PEAR1: variants seen among roughly 807,000 people sequenced by gnomAD.
PEAR1 encodes multiple EGF-like domains protein 12.
A neutral mutation model predicts 131.2 loss-of-function variants in PEAR1; 113 were observed. The ratio of observed to expected loss-of-function variants is 0.86; its 90% CI spans 0.74 to 1.01. The LOEUF (loss-of-function observed/expected upper bound fraction) is 1.01, where lower values mean the gene tolerates loss of function less well. Among genes scored for constraint, PEAR1 ranks in the 50% least tolerant of loss-of-function variants. PEAR1 has a pLI of 0.00. For synonymous variants in PEAR1, 565 were observed against 523.3 expected (o/e 1.08, Z -1.09); for missense variants, 1,408 against 1,391.1 (o/e 1.01, Z -0.19).
rs185112485 is a variant in PEAR1, at chr1:156,899,099, G to C, written c.-9-4819G>C. The stretch of plus-strand genomic sequence containing the variant: ...TCCAGAATGGTCACTGGAACCAGCA[G>C]TTCCAACCTTTGCAGGGCCCTGAGA... On this transcript the variant is annotated intron_variant, in intron 1 of 22. Coordinates refer to ENST00000292357, the MANE Select transcript of PEAR1 (RefSeq NM_001080471.3). 2.7e-3 allele frequency among the ~76,000 whole-genome samples: 409 copies of C among 152,352 alleles called. 8 individuals carry two copies. Among genetic ancestry groups the C allele is most frequent in the Admixed American group, 0.025 (380 of 15,308 alleles).
intron 1 of PEAR1, among the ~76,000 whole-genome samples, chr1:156,894,847 C>T (rs1030007574): frequency 2.6e-5 from 4 of 152,198 alleles, no homozygotes; most frequent in Non-Finnish European, 4.4e-5. Flanking sequence ...AGGATTGGGC[C>T]GGGTGTCAGC....
At position 156,913,552 on chromosome 1, in the gene PEAR1, C is replaced by T. The variant is rs372635498; in HGVS notation, c.2644+29C>T. 543 of 1,609,286 alleles carry T rather than the reference C, an allele frequency of 3.4e-4. 3 individuals are homozygous for T. In the Middle Eastern group the frequency reaches 6.5e-3, roughly 19 times the overall value. On this transcript the variant is annotated intron_variant, in intron 20 of 22. Transcript: ENST00000292357. The stretch of plus-strand genomic sequence containing the variant: ...GGTGCCGGGAGGCCAGGGTCTCTGG[C>T]GCGGGTGGATGTGTGCAGCCCAGAT...
At chr1:156,900,902 C>T (rs138249377) in intron 1 of PEAR1, among the ~76,000 whole-genome samples, 2 of 152,240 alleles carry the variant, frequency 1.3e-5, no homozygotes, top group African/African-American at 2.4e-5. Flanking sequence ...GCAATGGGCC[C>T]ATTGCTGCTG....
chr1:156,912,764 A>C lies in PEAR1; in HGVS notation c.2210-6A>C. 1 of 1,614,002 alleles carries C rather than the reference A, an allele frequency of 6.2e-7. No homozygotes were observed. The highest frequency in any genetic ancestry group is 8.5e-7 in the Non-Finnish European group (1 of 1,179,910). On this transcript the variant is annotated splice_polypyrimidine_tract_variant and splice_region_variant and intron_variant, in intron 17 of 22. Coordinates refer to ENST00000292357, the MANE Select transcript of PEAR1 (RefSeq NM_001080471.3). ...CCATTCTGAGTGAGCACCCCATTCC[A>C]CACAGGAATCCAGGAGCCCTTTACT... is the stretch of plus-strand genomic sequence containing the variant.
At position 156,906,704 on chromosome 1, in the gene PEAR1, T is replaced by G. The variant is rs1187957661; in HGVS notation, c.468T>G (p.Cys156Trp). Residue 156 changes from cysteine to tryptophan, a missense_variant, in exon 6 of 23, where the codon TGT becomes TGG. By Grantham distance (215) the Cys-to-Trp change is radical. Coordinates refer to ENST00000292357, the MANE Select transcript of PEAR1 (RefSeq NM_001080471.3). The part of the protein sequence containing the change: ...KPCSCGNNSS[C>W]DPKSGVCSCP... The stretch of plus-strand genomic sequence containing the variant: ...GCAGCTGCGGCAACAACAGCTCGTG[T>G]GATCCCAAGAGTGGGGTATGTTCTT... 2.5e-6 allele frequency: 4 copies of G among 1,613,972 alleles called. No individual in the cohort carries two copies. Among genetic ancestry groups the G allele is most frequent in the Non-Finnish European group, 3.4e-6 (4 of 1,179,944 alleles).
At position 156,915,008 on chromosome 1, in the gene PEAR1, A is replaced by G. The variant is rs1166709397; in HGVS notation, c.*210A>G. The G allele has an allele frequency of 1.1e-5, 6 of 560,170 alleles. No individual in the cohort carries two copies. The highest frequency in any genetic ancestry group is 3.7e-5 in the Admixed American group (1 of 27,226). The allele number at this position is 560,170 out of a possible 1,614,324, so 34.7% of individuals were successfully genotyped here. A position where few individuals can be genotyped will look rare whatever the true frequency, so the allele number is the denominator to read the frequency against. Reference sequence around the variant, plus strand: ...GCAGGATGCCTGGCTCCCTTTCCCAACCCACTGCTCCCAAGGCCTCCAGGG... The same window carrying G: ...GCAGGATGCCTGGCTCCCTTTCCCAGCCCACTGCTCCCAAGGCCTCCAGGG... On this transcript the variant is annotated 3_prime_UTR_variant, in exon 23 of 23. Coordinates refer to ENST00000292357, the MANE Select transcript of PEAR1 (RefSeq NM_001080471.3).
intron 1 of PEAR1, among the ~76,000 whole-genome samples, chr1:156,895,116 G>A (rs1208253257): frequency 6.6e-6 from 1 of 152,208 alleles, no homozygotes; most frequent in Non-Finnish European, 1.5e-5. Flanking sequence ...ATCTCTAGGA[G>A]CTGGGTTGGC....
chr1:156,904,913 C>T (rs1437547307), intron 3 of PEAR1, 61 bp downstream of exon 3: 2 of 1,606,758 alleles, frequency 1.2e-6, no homozygotes, highest in African/African-American at 2.7e-5. Flanking sequence ...TCAGCCTGGC[C>T]CCTGGCCCTC....
chr1:156,912,052 G>A (rs927025083), intron 15 of PEAR1, among the ~76,000 whole-genome samples, 195 bp from the exon 16 acceptor site: 5 of 152,212 alleles, frequency 3.3e-5, no homozygotes, highest in Admixed American at 6.5e-5. Context: ...AGTTGGACAC[G>A]TGGGTCTGGA....
rs368604782 is a variant in PEAR1, at chr1:156,906,824, A to G, written c.588A>G (p.Ala196=). The part of the protein sequence containing the change: ...ACQFRCQCHG[A]PCDPQTGACF... The stretch of plus-strand genomic sequence containing the variant: ...AGTTCCGCTGCCAGTGCCATGGGGC[A>G]CCCTGCGATCCCCAGACTGGAGCCT... Residue 196 remains alanine (A), a synonymous_variant, in exon 6 of 23, where the codon GCA becomes GCG. Transcript: ENST00000292357. 62 of 1,614,138 alleles carry G rather than the reference A, an allele frequency of 3.8e-5. No homozygotes were observed. Among genetic ancestry groups the G allele is most frequent in the Non-Finnish European group, 4.9e-5 (58 of 1,180,036 alleles).
In PEAR1 at chr1:156,911,107, TTTTC is replaced by T. The variant is rs1267733919; in HGVS notation, c.1951+371_1951+374del. 6.7e-3 allele frequency among the ~76,000 whole-genome samples: 795 copies of T among 118,760 alleles called. 27 individuals are homozygous for T. The highest frequency in any genetic ancestry group is 9.8e-3 in the Non-Finnish European group (591 of 60,140). The allele number at this position is 118,760 out of a possible 152,430, so 77.9% of individuals were successfully genotyped here. ...TTTCTTTCTTTCCTTTCTTTCTTTC[TTTTC>T]TTTCTTCTTTCTTTCTTTCCTTTCT... On this transcript the variant is annotated intron_variant, in intron 15 of 22. Transcript: ENST00000292357.
chr1:156,908,636 C>A lies in PEAR1; in HGVS notation c.1116-19C>A, dbSNP rs1373152123. 11 of 1,509,106 alleles carry A rather than the reference C, an allele frequency of 7.3e-6. No homozygotes were observed. The highest frequency in any genetic ancestry group is 2.3e-4 in the Middle Eastern group (1 of 4,288). The allele number at this position is 1,509,106 out of a possible 1,614,324, so 93.5% of individuals were successfully genotyped here. On this transcript the variant is annotated intron_variant, in intron 9 of 22. Coordinates refer to ENST00000292357, the MANE Select transcript of PEAR1 (RefSeq NM_001080471.3). This position sits in a 1 kb window ranked among gnomAD's most constrained non-coding sequence, Gnocchi z 4.2. ...CCTGCCCAGCTCAGACCGCGCCACG[C>A]CCCCGCCTCTGCCCCCAGCTGCCAC... is the stretch of plus-strand genomic sequence containing the variant.
chr1:156,907,492 AAG>A, intron 6 of PEAR1, 116 bp from the exon 7 acceptor site: 1 of 1,454,070 alleles, frequency 6.9e-7, no homozygotes, highest in South Asian at 1.6e-5. Flanking sequence ...CCCAGCAGGA[AAG>A]AGCAAGTGTG....
intron 1 of PEAR1, among the ~76,000 whole-genome samples, chr1:156,898,273 C>G (rs1649355999): frequency 6.6e-6 from 1 of 152,110 alleles, no homozygotes; most frequent in African/African-American, 2.4e-5. Context: ...TGCAGCTGCC[C>G]CATTTCCTGA....
chr1:156,904,412 T>C (rs1300851962), intron 2 of PEAR1, among the ~76,000 whole-genome samples: 1 of 152,160 alleles, frequency 6.6e-6, no homozygotes, highest in African/African-American at 2.4e-5. Flanking sequence ...CCGGAAATAC[T>C]TCAGCCCATC....
At position 156,910,069 on chromosome 1, in the gene PEAR1, C is replaced by A; in HGVS notation, c.1639C>A (p.Pro547Thr). Residue 547 changes from proline (P) to threonine (T), a missense_variant, in exon 13 of 23, where the codon CCT becomes ACT. Coordinates refer to ENST00000292357, the MANE Select transcript of PEAR1 (RefSeq NM_001080471.3). ...CTGTGACCACTCTGATGGCTGTGAC[C>A]CTGTTCATGGACGCTGTCAGTGCCA... ...CDCDHSDGCD[P>T]VHGRCQCQAG... The A allele has an allele frequency of 6.2e-7, 1 of 1,614,142 alleles. No homozygotes were observed. Among genetic ancestry groups the A allele is most frequent in the Non-Finnish European group, 8.5e-7 (1 of 1,180,024 alleles).
Position 156,903,938 on chromosome 1 carries a change from T to C in PEAR1, c.12T>C (p.Pro4=). 6.2e-7 allele frequency: 1 copy of C among 1,613,976 alleles called. No individual in the cohort carries two copies. The change falls in exon 2 of 23, where the codon CCT becomes CCC. Residue 4 remains proline (P), a synonymous_variant. Transcript: ENST00000292357. ...TGCAGGCCTCTGCAATGTCACCGCC[T>C]CTGTGTCCCCTCCTTCTCCTGGCTG... MSP[P]LCPLLLLAVG... is the part of the protein sequence containing the mutation.
At position 156,916,259 on chromosome 1, in the gene PEAR1, AT is replaced by A. The variant is rs898357417; in HGVS notation, c.*1465del. On this transcript the variant is annotated 3_prime_UTR_variant, in exon 23 of 23. Coordinates refer to ENST00000292357, the MANE Select transcript of PEAR1 (RefSeq NM_001080471.3). ...ACCATTTTTCCAATAGCATGTGCCC[AT>A]TTTGGGTCTCTACATTGCATTTTGG... 2.0e-5 allele frequency: 3 copies of A among 152,214 alleles called. No individual in the cohort carries two copies. Among genetic ancestry groups the A allele is most frequent in the Admixed American group, 1.3e-4 (2 of 15,288 alleles). The allele number at this position is 152,214 out of a possible 1,614,324, so 9.4% of individuals were successfully genotyped here. A position where few individuals can be genotyped will look rare whatever the true frequency, so the allele number is the denominator to read the frequency against.
rs749317928 is a variant in PEAR1 at position 156,905,371 on chromosome 1, G to A, written c.254G>A (p.Arg85His). Residue 85 changes from arginine (R) to histidine (H), a missense_variant, in exon 4 of 23, where the codon CGC becomes CAC. Arg to His is a conservative substitution (Grantham distance 29). Transcript: ENST00000292357. ...VYRQVVKTDH[R>H]QRLQCCHGFY... Reference sequence around the variant, plus strand: ...CGTCAGGTGGTGAAGACGGACCACCGCCAGCGCCTGCAGTGCTGCCATGGC... The same window carrying A: ...CGTCAGGTGGTGAAGACGGACCACCACCAGCGCCTGCAGTGCTGCCATGGC... 9 of 1,611,340 alleles carry A rather than the reference G, an allele frequency of 5.6e-6. No individual in the cohort carries two copies. The highest frequency in any genetic ancestry group is 1.1e-5 in the South Asian group (1 of 90,860).
Sources: allele counts gnomAD v4.1 joint callset (sites outside exome capture counted in the v4.1 genomes callset), GRCh38; gene constraint gnomAD v4.1.1; non-coding constraint Gnocchi (gnomAD v3.1); transcripts MANE v1.5; gene names NCBI Gene and HGNC (gene_info 2026-07-23, HGNC 2026-07-21).